The following HMGA2 variants were observed in gnomAD, a reference collection of about 807,000 sequenced individuals.
HMGA2 encodes high mobility group protein HMGI-C.
Under a neutral mutation model 19.1 loss-of-function variants are expected in HMGA2, and 8 were observed. The observed-to-expected ratio is 0.42, with a 90% confidence interval of 0.25 to 0.76. The LOEUF (loss-of-function observed/expected upper bound fraction) is 0.76, where lower values mean the gene tolerates loss of function less well. Among genes scored for constraint, HMGA2 ranks in the 30% least tolerant of loss-of-function variants. The probability of loss-of-function intolerance (pLI) is 0.28; values close to 1 mark genes in which losing one functional copy is unlikely to be tolerated. For synonymous variants in HMGA2, 60 were observed against 48.8 expected, an observed-to-expected ratio of 1.23 and a Z score of -0.96; for missense variants, 109 against 136.3, an observed-to-expected ratio of 0.80 and a Z score of 1.00.
At chr12:65,927,831 C>CTG (rs143707177) in intron 3 of HMGA2, among the ~76,000 whole-genome samples, 27,417 of 145,056 alleles carry the variant, frequency 0.19, 3,936 homozygotes, top group East Asian at 0.73. Context: ...CTCTTTGTAT[C>CTG]TGTGTGTGTG....
chr12:65,838,413 C>A, intron 2 of HMGA2, 106 bp from the exon 3 acceptor site: 2 of 771,142 alleles, frequency 2.6e-6, no homozygotes, highest in Non-Finnish European at 2.1e-6. Context: ...AAAACCGATA[C>A]GTCATCTGCA....
intron 3 of HMGA2, chr12:65,857,300 AG>A (rs1800416100): frequency 6.6e-6 from 1 of 152,218 alleles, no homozygotes; most frequent in Non-Finnish European, 1.5e-5. Context: ...AGCTAGCAAA[AG>A]CTTTTGCAGA....
chr12:65,931,551 TTGTGTGTGTGTGTG>T lies in HMGA2; in HGVS notation c.250-19806_250-19793del, dbSNP rs60877869. 7.4e-3 allele frequency among the ~76,000 whole-genome samples: 1,067 copies of T among 144,244 alleles called. 8 individuals are homozygous for T. Among genetic ancestry groups the T allele is most frequent in the Non-Finnish European group, 0.013 (846 of 65,546 alleles). The allele number at this position is 144,244 out of a possible 152,430, so 94.6% of individuals were successfully genotyped here. Reference sequence around the variant, plus strand: ...ACCCAGGAGCTAAGTTTATAGATGTTTGTGTGTGTGTGTGTGTGTGTGTGTGTGTGTGTGTGTGT... The same window carrying T: ...ACCCAGGAGCTAAGTTTATAGATGTTTGTGTGTGTGTGTGTGTGTGTGTGT... On this transcript the variant is annotated intron_variant, in intron 3 of 4. Transcript: ENST00000403681.
In HMGA2 at chr12:65,963,329, TG is replaced by T; in HGVS notation, c.*39del. On this transcript the variant is annotated 3_prime_UTR_variant, in exon 5 of 5. Coordinates refer to ENST00000403681, the MANE Select transcript of HMGA2 (RefSeq NM_003483.6). The stretch of plus-strand genomic sequence containing the variant: ...GTTCGATTTCTACCTCAGCAGCAGT[TG>T]GATCTTTTGAAGGGAGAAGACACTG... 1 of 1,597,994 alleles carries T rather than the reference TG, an allele frequency of 6.3e-7. No homozygotes were observed. Among genetic ancestry groups the T allele is most frequent in the South Asian group, 1.1e-5 (1 of 90,746 alleles).
chr12:65,865,633 CTTTTTTTTTTTTTT>C (rs952845162), intron 3 of HMGA2, among the ~76,000 whole-genome samples: 1 of 131,772 alleles, frequency 7.6e-6, no homozygotes, highest in Non-Finnish European at 1.6e-5. Context: ...ATCTATTTTT[CTTTTTTTTTTTTTT>C]TTTTTGAGAC....
At chr12:65,915,566 A>G in intron 3 of HMGA2, 1 of 1,080,162 alleles carries the variant, frequency 9.3e-7, no homozygotes, top group Non-Finnish European at 1.1e-6. Flanking sequence ...GTAATATCAC[A>G]TGACTTTCCT....
At chr12:65,854,282 A>C (rs1871619016) in intron 3 of HMGA2, among the ~76,000 whole-genome samples, 1 of 152,252 alleles carries the variant, frequency 6.6e-6, no homozygotes, top group Admixed American at 6.5e-5. Context: ...TCAAAATAAA[A>C]AAATTCTTTA....
Position 65,930,936 on chromosome 12 carries a change from T to G in HMGA2, c.250-20447T>G, listed in dbSNP as rs116834805. On this transcript the variant is annotated intron_variant, in intron 3 of 4. Coordinates refer to ENST00000403681, the MANE Select transcript of HMGA2 (RefSeq NM_003483.6). ...GATATGGTGCAGCTGAACTTTCTAA[T>G]TCACTAAGACAGGAAAAAAGGAAGG... is the stretch of plus-strand genomic sequence containing the variant. Among the ~76,000 whole-genome samples, 480 of 152,304 alleles carry G rather than the reference T, an allele frequency of 3.2e-3. 5 individuals are homozygous for G. The highest frequency in any genetic ancestry group is 0.011 in the African/African-American group (461 of 41,568).
intron 3 of HMGA2, among the ~76,000 whole-genome samples, chr12:65,852,338 G>GA (rs1871517289): frequency 1.3e-5 from 2 of 151,686 alleles, no homozygotes; most frequent in South Asian, 4.2e-4. Context: ...CTCTACTAAA[G>GA]AAAAAAATAC....
At chr12:65,960,065 A>G (rs1195158419) in intron 4 of HMGA2, among the ~76,000 whole-genome samples, 1 of 151,798 alleles carries the variant, frequency 6.6e-6, no homozygotes, top group African/African-American at 2.4e-5. Context: ...AATTTTTTGT[A>G]TTTTTAGTAG....
At chr12:65,883,089 C>T (rs919832472) in intron 3 of HMGA2, among the ~76,000 whole-genome samples, 2 of 152,214 alleles carry the variant, frequency 1.3e-5, no homozygotes, top group African/African-American at 4.8e-5. Context: ...TGCGTCTGAA[C>T]CTTCCCAACA....
chr12:65,953,198 C>T (rs1042188152), intron 4 of HMGA2: 3 of 152,066 alleles, frequency 2.0e-5, no homozygotes, highest in African/African-American at 7.2e-5. Flanking sequence ...TATGAACTCC[C>T]TAAGTGAGTT....
chr12:65,913,230 C>T (rs569047920), intron 3 of HMGA2, among the ~76,000 whole-genome samples: 22 of 152,288 alleles, frequency 1.4e-4, no homozygotes, highest in African/African-American at 4.3e-4. Flanking sequence ...TTGTACCATT[C>T]TGCGGCAGTT....
At chr12:65,944,844 T>A (rs1405517700) in intron 3 of HMGA2, among the ~76,000 whole-genome samples, 1 of 151,738 alleles carries the variant, frequency 6.6e-6, no homozygotes, top group African/African-American at 2.4e-5. Flanking sequence ...TGCAGGAGGG[T>A]TTGCATCTAG....
chr12:65,895,004 C>T (rs1276749423), intron 3 of HMGA2, among the ~76,000 whole-genome samples: 1 of 152,116 alleles, frequency 6.6e-6, no homozygotes, highest in Admixed American at 6.5e-5. Flanking sequence ...CCACCGGTAC[C>T]AGTAAAACAG....
At position 65,947,166 on chromosome 12, in the gene HMGA2, C is replaced by T. The variant is rs544779899; in HGVS notation, c.250-4217C>T. 1.3e-4 allele frequency among the ~76,000 whole-genome samples: 19 copies of T among 151,644 alleles called. 2 individuals carry two copies. The South Asian group carries it at 2.5e-3, about 20-fold the overall frequency. On this transcript the variant is annotated intron_variant, in intron 3 of 4. Coordinates refer to ENST00000403681, the MANE Select transcript of HMGA2 (RefSeq NM_003483.6). ...GCAGAGTCTTGCTCCGTCACCCAGG[C>T]GGGAGTGCAATGGTGTGATCATAGC...
chr12:65,896,584 G>A (rs1460416859), intron 3 of HMGA2, among the ~76,000 whole-genome samples: 2 of 151,944 alleles, frequency 1.3e-5, no homozygotes, highest in South Asian at 2.1e-4. Context: ...TTTTATGAAC[G>A]CACATTTGTG....
At chr12:65,876,568 T>C (rs1873041414) in intron 3 of HMGA2, among the ~76,000 whole-genome samples, 1 of 152,224 alleles carries the variant, frequency 6.6e-6, no homozygotes, top group Admixed American at 6.5e-5. Context: ...GATTCTAATT[T>C]GGTTGTTCTC....
At chr12:65,922,937 T>C (rs1048177005) in intron 3 of HMGA2, among the ~76,000 whole-genome samples, 2 of 152,162 alleles carry the variant, frequency 1.3e-5, no homozygotes, top group Non-Finnish European at 2.9e-5. Flanking sequence ...ATGTAAGAAG[T>C]GTCTTTCGCC....
Sources: allele counts gnomAD v4.1 joint callset (sites outside exome capture counted in the v4.1 genomes callset), GRCh38; gene constraint gnomAD v4.1.1; transcripts MANE v1.5; gene names NCBI Gene and HGNC (gene_info 2026-07-23, HGNC 2026-07-21).